ESCO1: variants seen among roughly 807,000 people sequenced by gnomAD.
ESCO1 encodes the protein N-acetyltransferase ESCO1.
Under a neutral mutation model 83.5 loss-of-function variants are expected in ESCO1, and 33 were observed. The ratio of observed to expected loss-of-function variants is 0.40; its 90% CI spans 0.30 to 0.53. The LOEUF is 0.53. ESCO1 is among the 20% of genes least tolerant of loss of function. The pLI, the probability that ESCO1 is intolerant of heterozygous loss-of-function variation, is 0.63. For synonymous variants in ESCO1, 332 were observed against 324.3 expected (o/e 1.02, Z -0.25); for missense variants, 855 against 968.0 (o/e 0.88, Z 1.55).
chr18:21,558,941 T>C (rs1370380306), intron 8 of ESCO1, among the ~76,000 whole-genome samples: 2 of 152,154 alleles, frequency 1.3e-5, no homozygotes, highest in Non-Finnish European at 2.9e-5. Flanking sequence ...AAAATTAAGA[T>C]ATTTTGTCAA....
chr18:21,595,471 C>A (rs1420670301), intron 1 of ESCO1, among the ~76,000 whole-genome samples: 2 of 150,748 alleles, frequency 1.3e-5, no homozygotes, highest in African/African-American at 4.9e-5. Flanking sequence ...AGGTCGAGAC[C>A]ATCCTGGCTA....
intron 8 of ESCO1, among the ~76,000 whole-genome samples, chr18:21,542,347 A>T (rs75669240): frequency 1.3e-5 from 2 of 152,224 alleles, no homozygotes; most frequent in East Asian, 3.9e-4. Flanking sequence ...CCACCATGCC[A>T]AGCTAAGAAA....
Position 21,591,983 on chromosome 18 carries a change from G to C in ESCO1, c.-824-7543C>G, listed in dbSNP as rs530681224. On this transcript the variant is annotated intron_variant, in intron 1 of 11. Transcript: ENST00000269214. Reference sequence around the variant, plus strand: ...ACATGTTTCAGAGAGCACAGGGTTGGGGGGTAAGGTCACAGATCAACAGGA... The same window carrying C: ...ACATGTTTCAGAGAGCACAGGGTTGCGGGGTAAGGTCACAGATCAACAGGA... Among the ~76,000 whole-genome samples, 13 of 151,714 alleles carry C rather than the reference G, an allele frequency of 8.6e-5. No individual in the cohort carries two copies. In the South Asian group the frequency reaches 2.5e-3, roughly 29 times the overall value.
At chr18:21,570,344 C>T (rs529630557) in intron 4 of ESCO1, among the ~76,000 whole-genome samples, 5 of 152,294 alleles carry the variant, frequency 3.3e-5, no homozygotes, top group Non-Finnish European at 5.9e-5. Context: ...AGAGATCCTC[C>T]CACCTCAACC....
At chr18:21,531,245 C>T (rs2037762905) in intron 11 of ESCO1, among the ~76,000 whole-genome samples, 1 of 150,224 alleles carries the variant, frequency 6.7e-6, no homozygotes, top group Non-Finnish European at 1.5e-5. Context: ...AGTTCAAGGC[C>T]AGCCCAGGCG....
At position 21,588,185 on chromosome 18, in the gene ESCO1, G is replaced by A. The variant is rs77802418; in HGVS notation, c.-824-3745C>T. On this transcript the variant is annotated intron_variant, in intron 1 of 11. Coordinates refer to ENST00000269214, the MANE Select transcript of ESCO1 (RefSeq NM_052911.3). ...ATTTACTATAAAACCACGTTAATGT[G>A]TGATATTGTTTCAAGGATAAACAAA... Among the ~76,000 whole-genome samples the A allele has an allele frequency of 9.1e-3, 1,384 of 151,662 alleles. 21 individuals are homozygous for A. The highest frequency in any genetic ancestry group is 0.031 in the African/African-American group (1,302 of 41,384).
At chr18:21,579,732 A>C (rs1327114737) in intron 2 of ESCO1, among the ~76,000 whole-genome samples, 1 of 147,964 alleles carries the variant, frequency 6.8e-6, no homozygotes, top group Non-Finnish European at 1.5e-5. Context: ...ACATCACGCC[A>C]CTCACTGTAC....
At position 21,574,583 on chromosome 18, in the gene ESCO1, C is replaced by T. The variant is rs775713252; in HGVS notation, c.261G>A (p.Thr87=). ...CTTGTGAATATCCCCTCACAGTCAC[C>T]GTATTTTTATTAATGGATTTAGTAG... ...DKATKSINKN[T]VTVRGYSQES... Residue 87 remains threonine (T), a synonymous_variant, in exon 4 of 12, where the codon ACG becomes ACA. Coordinates refer to ENST00000269214, the MANE Select transcript of ESCO1 (RefSeq NM_052911.3). 27 of 1,613,810 alleles carry T rather than the reference C, an allele frequency of 1.7e-5. No homozygotes were observed. The highest frequency in any genetic ancestry group is 6.7e-5 in the East Asian group (3 of 44,874).
intron 1 of ESCO1, among the ~76,000 whole-genome samples, chr18:21,599,311 C>A (rs928273638): frequency 3.9e-5 from 6 of 152,162 alleles, no homozygotes; most frequent in African/African-American, 1.4e-4. Context: ...CCACTGCAAT[C>A]CAGTCTGGGC....
Position 21,574,641 on chromosome 18 carries a change from G to GT in ESCO1, c.202dup (p.Thr68AsnfsTer9), listed in dbSNP as rs779765715. 6.2e-7 allele frequency: 1 copy of GT among 1,613,848 alleles called. No homozygotes were observed. The highest frequency in any genetic ancestry group is 8.5e-7 in the Non-Finnish European group (1 of 1,179,988). On this transcript the variant is annotated frameshift_variant, in exon 4 of 12. Transcript: ENST00000269214. LOFTEE classifies it high-confidence loss of function. ...ATTAGATGCTGCCTTTGATGACCTT[G>GT]TACTCATGCGTGTTTCCAATTCTGG... is the stretch of plus-strand genomic sequence containing the variant.
chr18:21,552,668 G>T (rs564447668), intron 8 of ESCO1, among the ~76,000 whole-genome samples: 1 of 152,314 alleles, frequency 6.6e-6, no homozygotes, highest in East Asian at 1.9e-4. Flanking sequence ...AAACAGGACA[G>T]AGAACCCGGA....
chr18:21,585,403 A>C (rs1046908559), intron 1 of ESCO1, among the ~76,000 whole-genome samples: 45 of 152,116 alleles, frequency 3.0e-4, no homozygotes, highest in African/African-American at 1.1e-3. Flanking sequence ...ATAGTTATCA[A>C]GTTGTACCAG....
chr18:21,580,417 G>T (rs910541856), intron 2 of ESCO1, among the ~76,000 whole-genome samples: 3 of 152,086 alleles, frequency 2.0e-5, no homozygotes, highest in African/African-American at 7.2e-5. Flanking sequence ...TCAAAATGCT[G>T]AAGAAAAATT....
chr18:21,560,823 G>A, intron 8 of ESCO1, 36 bp downstream of exon 8: 1 of 1,589,732 alleles, frequency 6.3e-7, no homozygotes, highest in Non-Finnish European at 8.5e-7. Context: ...CTAATTATCT[G>A]ATTTTTGCAT....
intron 7 of ESCO1, among the ~76,000 whole-genome samples, chr18:21,561,534 C>T (rs2038186081): frequency 6.6e-6 from 1 of 152,112 alleles, no homozygotes; most frequent in Non-Finnish European, 1.5e-5. Flanking sequence ...TCAAGCAATT[C>T]TCCTGCCTCA....
chr18:21,567,817 A>T (rs563824748), intron 5 of ESCO1, among the ~76,000 whole-genome samples, 163 bp downstream of exon 5: 8 of 152,234 alleles, frequency 5.3e-5, no homozygotes, highest in Non-Finnish European at 2.9e-5. Context: ...AACAGAAGTA[A>T]TTCTGAAAGC....
rs760317405 is a variant in ESCO1, at chr18:21,574,509, G to C, written c.335C>G (p.Pro112Arg). Residue 112 changes from proline to arginine, a missense_variant, in exon 4 of 12, where the codon CCT becomes CGT. This residue lies in a region of ESCO1 where 726 missense variants were observed against 699.5 expected (regional missense o/e 1.04). Coordinates refer to ENST00000269214, the MANE Select transcript of ESCO1 (RefSeq NM_052911.3). ...CCGGTTAAGCTGTTCATTTGCTTTA[G>C]GGTTTTCATGTACTAATTTTTTCTG... ...LSQKKLVHEN[P>R]KANEQLNRRS... The C allele has an allele frequency of 1.9e-6, 3 of 1,613,666 alleles. No homozygotes were observed. The African/African-American group carries it at 4.0e-5, about 22-fold the overall frequency.
intron 11 of ESCO1, 144 bp from the exon 12 acceptor site, chr18:21,530,634 T>G (rs1278196593): frequency 3.3e-6 from 2 of 609,216 alleles, no homozygotes; most frequent in Admixed American, 8.1e-5. Context: ...GCTCAAAATT[T>G]TTGAAAATAA....
chr18:21,588,942 TTAA>T (rs2038621561), intron 1 of ESCO1, among the ~76,000 whole-genome samples: 2 of 151,498 alleles, frequency 1.3e-5, no homozygotes, highest in South Asian at 4.2e-4. Flanking sequence ...TTTAGAAATG[TTAA>T]TAATAGATAA....
Sources: allele counts gnomAD v4.1 joint callset (sites outside exome capture counted in the v4.1 genomes callset), GRCh38; gene constraint gnomAD v4.1.1; regional missense constraint gnomAD v4.1.1; transcripts MANE v1.5; gene names NCBI Gene and HGNC (gene_info 2026-07-23, HGNC 2026-07-21).